Variants in LINGO2 observed in about 807,000 individuals in gnomAD.
The protein encoded by LINGO2 is leucine-rich repeat and immunoglobulin-like domain-containing nogo receptor-interacting protein 2.
In LINGO2, 14 loss-of-function variants were observed where a neutral mutation model predicts 30.6. The ratio of observed to expected loss-of-function variants is 0.46; its 90% confidence interval spans 0.30 to 0.72. The LOEUF (loss-of-function observed/expected upper bound fraction) is 0.72. Among genes scored for constraint, LINGO2 ranks in the 30% least tolerant of loss-of-function variants. The pLI, the probability that LINGO2 is intolerant of heterozygous loss-of-function variation, is 0.07. For synonymous variants in LINGO2, 317 were observed against 288.5 expected (o/e 1.10, Z -1.00); for missense variants, 729 against 751.7 (o/e 0.97, Z 0.35).
chr9:28,361,331 A>G lies in LINGO2; in HGVS notation c.-246+11505T>C, dbSNP rs1820434292. 2.0e-5 allele frequency among the ~76,000 whole-genome samples: 3 copies of G among 152,176 alleles called. No homozygotes were observed. In the South Asian group the frequency reaches 6.2e-4, roughly 32 times the overall value. On this transcript the variant is annotated intron_variant, in intron 3 of 5. Coordinates refer to ENST00000379992, the Ensembl canonical transcript of LINGO2. ...TTATGAATTAAACTTTTTCATAGGTATGTATGTATAGGGAAAAACATAGAG... is the reference window on the plus strand; with the variant it reads ...TTATGAATTAAACTTTTTCATAGGTGTGTATGTATAGGGAAAAACATAGAG...
the LINGO2 span, among the ~76,000 whole-genome samples, chr9:29,064,130 T>C: frequency 0.031 from 4,665 of 152,248 alleles, 134 homozygotes; most frequent in South Asian, 0.15. Context: ...ACATGATTTT[T>C]ATGGAATTTA....
intron 4 of LINGO2, among the ~76,000 whole-genome samples, chr9:28,293,003 A>C (rs1587404356): frequency 6.6e-6 from 1 of 150,856 alleles, no homozygotes; most frequent in South Asian, 2.1e-4. Context: ...TGATCTCCTA[A>C]CCTTGTGATC....
chr9:28,754,402 C>G, the LINGO2 span, among the ~76,000 whole-genome samples: 1 of 152,136 alleles, frequency 6.6e-6, no homozygotes, highest in East Asian at 1.9e-4. Context: ...TGATACAGAA[C>G]AGTGTTTCCC....
At chr9:28,888,957 A>G in the LINGO2 span, 2 of 529,990 alleles carry the variant, frequency 3.8e-6, no homozygotes, top group South Asian at 1.4e-5. Flanking sequence ...AATGCACACA[A>G]ACTTATTCTA....
chr9:28,564,283 T>C (rs1017630868), intron 1 of LINGO2, among the ~76,000 whole-genome samples: 1 of 152,064 alleles, frequency 6.6e-6, no homozygotes, highest in Non-Finnish European at 1.5e-5. Flanking sequence ...TTATAGGTAG[T>C]CTCCTAAGAT....
At chr9:28,071,248 G>A (rs1360603995) in intron 4 of LINGO2, among the ~76,000 whole-genome samples, 4 of 152,190 alleles carry the variant, frequency 2.6e-5, no homozygotes, top group African/African-American at 9.7e-5. Flanking sequence ...CATTTCAAGT[G>A]TGGTGCTCAG....
intron 4 of LINGO2, among the ~76,000 whole-genome samples, chr9:28,196,930 T>C (rs1820035154): frequency 6.6e-6 from 1 of 151,846 alleles, no homozygotes; most frequent in Admixed American, 6.6e-5. Flanking sequence ...AAAGTGGAGA[T>C]GATTAATGGG....
chr9:28,199,868 T>C (rs571535687), intron 4 of LINGO2, among the ~76,000 whole-genome samples: 1 of 152,152 alleles, frequency 6.6e-6, no homozygotes, highest in East Asian at 1.9e-4. Flanking sequence ...TACCATCCGA[T>C]AATAACCTTT....
chr9:28,875,649 C>T, the LINGO2 span, among the ~76,000 whole-genome samples: 1 of 152,056 alleles, frequency 6.6e-6, no homozygotes, highest in African/African-American at 2.4e-5. Context: ...TTCATCACAA[C>T]TGATATTTTT....
At chr9:28,309,326 A>G (rs910476234) in intron 3 of LINGO2, among the ~76,000 whole-genome samples, 1 of 152,014 alleles carries the variant, frequency 6.6e-6, no homozygotes, top group Non-Finnish European at 1.5e-5. Context: ...GTAAACTATC[A>G]CAAGTACAAA....
At chr9:28,807,957 G>A in the LINGO2 span, among the ~76,000 whole-genome samples, 81,246 of 151,890 alleles carry the variant, frequency 0.53, 22,009 homozygotes, top group Middle Eastern at 0.68. Context: ...AGAGATCTAA[G>A]AATACAATGG....
At chr9:28,205,328 TC>T (rs1399999507) in intron 4 of LINGO2, among the ~76,000 whole-genome samples, 5 of 151,972 alleles carry the variant, frequency 3.3e-5, no homozygotes, top group Non-Finnish European at 7.4e-5. Context: ...GGAATTCCTT[TC>T]CCCCAGATAT....
At chr9:28,566,311 C>A (rs539219572) in intron 1 of LINGO2, among the ~76,000 whole-genome samples, 4 of 152,138 alleles carry the variant, frequency 2.6e-5, no homozygotes, top group African/African-American at 9.6e-5. Context: ...AATATAGCTA[C>A]ACCTATGCTT....
chr9:28,760,314 G>T, the LINGO2 span, among the ~76,000 whole-genome samples: 4 of 151,880 alleles, frequency 2.6e-5, no homozygotes, highest in Non-Finnish European at 5.9e-5. Context: ...AATTTACATT[G>T]AATGTGTTCA....
chr9:28,894,881 CTT>C, the LINGO2 span, among the ~76,000 whole-genome samples: 1 of 152,000 alleles, frequency 6.6e-6, no homozygotes, highest in Admixed American at 6.6e-5. Flanking sequence ...AATCTAATAT[CTT>C]AGTAATTTCA....
chr9:28,098,322 C>T (rs1366593016), intron 4 of LINGO2, among the ~76,000 whole-genome samples: 2 of 148,226 alleles, frequency 1.3e-5, no homozygotes, highest in East Asian at 3.9e-4. Flanking sequence ...AAACAAAAAA[C>T]AAAAAGCAAA....
chr9:28,260,452 C>A (rs1284442138), intron 4 of LINGO2, among the ~76,000 whole-genome samples: 1 of 151,788 alleles, frequency 6.6e-6, no homozygotes, highest in Non-Finnish European at 1.5e-5. Context: ...CCCTAAGATA[C>A]CTAGATCCAC....
the LINGO2 span, among the ~76,000 whole-genome samples, chr9:28,806,429 T>C: frequency 2.5e-3 from 386 of 152,290 alleles, 1 homozygote; most frequent in Non-Finnish European, 4.6e-3. Flanking sequence ...GTATCAGGGA[T>C]TAGAAAAACC....
the LINGO2 span, among the ~76,000 whole-genome samples, chr9:28,849,130 C>A: frequency 7.8e-6 from 1 of 127,974 alleles, no homozygotes; most frequent in Non-Finnish European, 1.7e-5. Context: ...AGATCTTCCA[C>A]TATCACCAGT....
Sources: allele counts gnomAD v4.1 joint callset (sites outside exome capture counted in the v4.1 genomes callset), GRCh38; gene constraint gnomAD v4.1.1; transcripts MANE v1.5; gene names NCBI Gene and HGNC (gene_info 2026-07-23, HGNC 2026-07-21).